HUWE1: variants seen among roughly 807,000 people sequenced by gnomAD.
The protein encoded by HUWE1 is E3 ubiquitin-protein ligase HUWE1.
A neutral mutation model predicts 299.4 loss-of-function variants in HUWE1; 18 were observed. That is an observed-to-expected ratio of 0.06 (90% CI 0.04 to 0.09). HUWE1 has a LOEUF of 0.09. Ranked by LOEUF, HUWE1 falls within the 10% of genes least tolerant of loss-of-function variation. The pLI, the probability that HUWE1 is intolerant of heterozygous loss-of-function variation, is 1.00. For synonymous variants in HUWE1, 1,317 were observed against 1,286.1 expected (o/e 1.02, Z -0.51); for missense variants, 1,832 against 3,462.3 (o/e 0.53, Z 11.82).
chrX:53,626,238 TG>T (rs2066496042), intron 17 of HUWE1, among the ~76,000 whole-genome samples: 2 of 109,168 alleles, frequency 1.8e-5, no homozygotes, highest in Non-Finnish European at 3.8e-5. Flanking sequence ...TGTGTGTGTG[TG>T]TGTGTGTGTG....
chrX:53,535,872 C>T (rs1411181070), intron 80 of HUWE1: 23 of 361,393 alleles, frequency 6.4e-5, no homozygotes, highest in Non-Finnish European at 9.0e-5. Flanking sequence ...TACATTTGTA[C>T]GATTTTTCTA....
chrX:53,566,956 TACTC>T (rs1415833152), intron 49 of HUWE1, among the ~76,000 whole-genome samples: 1 of 111,800 alleles, frequency 8.9e-6, no homozygotes, highest in Non-Finnish European at 1.9e-5. Flanking sequence ...CAACATGTGA[TACTC>T]ACTGAATCCC....
intron 6 of HUWE1, among the ~76,000 whole-genome samples, chrX:53,646,786 C>T (rs782672871): frequency 8.9e-6 from 1 of 112,136 alleles, no homozygotes; most frequent in East Asian, 2.8e-4. Flanking sequence ...GGGCACCTAA[C>T]TAATGATGAT....
Position 53,589,887 on chromosome X carries a change from G to A in HUWE1, c.4192-71C>T. On this transcript the variant is annotated intron_variant, in intron 35 of 83. Coordinates refer to ENST00000262854, the MANE Select transcript of HUWE1 (RefSeq NM_031407.7). ...GGAGGAAAGATAAGAGAGACTCTGA[G>A]AATGTTTTTGCTCTACCATATGATT... 1.3e-5 allele frequency: 14 copies of A among 1,061,430 alleles called. No individual in the cohort carries two copies. The South Asian group carries it at 2.8e-4, about 21-fold the overall frequency. 87.5% of individuals were successfully genotyped at this position (1,061,430 alleles called of 1,213,427 possible).
At position 53,565,061 on chromosome X, in the gene HUWE1, C is replaced by G; in HGVS notation, c.6880+6G>C. The G allele has an allele frequency of 8.3e-7, 1 of 1,209,741 alleles. No homozygotes were observed. The highest frequency in any genetic ancestry group is 1.1e-6 in the Non-Finnish European group (1 of 893,543). The stretch of plus-strand genomic sequence containing the variant: ...CCTCTCCAGTCCATTGGCTCTGATT[C>G]CCTACCTGGGTCCTGCTGGTTGCTA... On this transcript the variant is annotated splice_donor_region_variant and intron_variant, in intron 50 of 83. Coordinates refer to ENST00000262854, the MANE Select transcript of HUWE1 (RefSeq NM_031407.7).
At chrX:53,579,303 C>T (rs1299918879) in intron 43 of HUWE1, among the ~76,000 whole-genome samples, 8 of 92,557 alleles carry the variant, frequency 8.6e-5, no homozygotes, top group African/African-American at 1.6e-4. Flanking sequence ...CCTGGCCAGC[C>T]GCCCCGTCCG....
At chrX:53,628,391 A>T in intron 15 of HUWE1, 102 bp downstream of exon 15, 2 of 875,546 alleles carry the variant, frequency 2.3e-6, no homozygotes, top group Non-Finnish European at 3.2e-6. Flanking sequence ...AAGCTTTCTT[A>T]TATTATTTGC....
chrX:53,588,777 A>G (rs2063992912), intron 36 of HUWE1, among the ~76,000 whole-genome samples: 1 of 112,149 alleles, frequency 8.9e-6, no homozygotes, highest in East Asian at 2.8e-4. Flanking sequence ...AATCTAAGTT[A>G]AAGGAAATGA....
intron 30 of HUWE1, 106 bp from the exon 31 acceptor site, chrX:53,594,727 C>T (rs2064360558): frequency 1.3e-6 from 1 of 753,772 alleles, no homozygotes; most frequent in East Asian, 3.4e-5. Flanking sequence ...ACTGAAGTGA[C>T]ACCTCCCACC....
At chrX:53,591,593 A>G (rs1303224046) in intron 33 of HUWE1, among the ~76,000 whole-genome samples, 1 of 112,008 alleles carries the variant, frequency 8.9e-6, no homozygotes, top group Admixed American at 9.5e-5. Flanking sequence ...ATCAAACTGT[A>G]AGAAAATTAG....
Position 53,546,804 on chromosome X carries a change from C to A in HUWE1, c.10658G>T (p.Ser3553Ile). 2.5e-6 allele frequency: 3 copies of A among 1,208,649 alleles called. No individual in the cohort carries two copies. The highest frequency in any genetic ancestry group is 3.4e-6 in the Non-Finnish European group (3 of 893,942). ...ATCACTCACCTTCGCTGGAGATTTG[C>A]TGCCCTTAGTAGTGGGAGAAACTTT... ...TVSISPTTKG[S>I]KSPAKVSDGG... Residue 3553 changes from serine (S) to isoleucine (I), a missense_variant, in exon 69 of 84, where the codon AGC becomes ATC. Ser to Ile is a moderately radical substitution (Grantham distance 142). Coordinates refer to ENST00000262854, the MANE Select transcript of HUWE1 (RefSeq NM_031407.7).
chrX:53,639,935 T>A (rs1432785508), intron 7 of HUWE1, among the ~76,000 whole-genome samples: 1 of 112,728 alleles, frequency 8.9e-6, no homozygotes, highest in Non-Finnish European at 1.9e-5. Flanking sequence ...CAGGTTAATA[T>A]TTGTTGGCAA....
At chrX:53,610,303 GAGA>G (rs1374392619) in intron 23 of HUWE1, among the ~76,000 whole-genome samples, 2 of 111,795 alleles carry the variant, frequency 1.8e-5, no homozygotes, top group Non-Finnish European at 3.8e-5. Flanking sequence ...GGAAACTGGG[GAGA>G]AGAACAGAGA....
chrX:53,579,827 C>CT (rs1556965142), intron 43 of HUWE1: 1 of 99,417 alleles, frequency 1.0e-5, no homozygotes, highest in African/African-American at 3.7e-5. Flanking sequence ...CCGCAGGGTC[C>CT]TCTGCCTAGG....
chrX:53,643,294 C>A lies in HUWE1; in HGVS notation c.504+2017G>T, dbSNP rs146412660. 3.0e-3 allele frequency among the ~76,000 whole-genome samples: 337 copies of A among 111,805 alleles called. 1 individual carries two copies. Among genetic ancestry groups the A allele is most frequent in the African/African-American group, 0.01 (317 of 30,807 alleles). On this transcript the variant is annotated intron_variant, in intron 7 of 83. Transcript: ENST00000262854. Reference sequence around the variant, plus strand: ...AAATTTACAGTTTTAGCCAATATGACTTATTTTACAGACAGAATATTTGCT... The same window carrying A: ...AAATTTACAGTTTTAGCCAATATGAATTATTTTACAGACAGAATATTTGCT...
chrX:53,661,671 C>G lies in HUWE1; in HGVS notation c.-24-7540G>C, dbSNP rs377442167. Among the ~76,000 whole-genome samples, 8 of 112,424 alleles carry G rather than the reference C, an allele frequency of 7.1e-5. No homozygotes were observed. The South Asian group carries it at 1.1e-3, about 15-fold the overall frequency. ...CAGAACCAGAACTCAGGGCACCAAG[C>G]AATCTCTATATATAATAAACATTGC... On this transcript the variant is annotated intron_variant, in intron 3 of 83. Coordinates refer to ENST00000262854, the MANE Select transcript of HUWE1 (RefSeq NM_031407.7).
intron 2 of HUWE1, 125 bp from the exon 3 acceptor site, chrX:53,680,311 TA>T (rs1324931275): frequency 3.2e-5 from 9 of 277,552 alleles, no homozygotes; most frequent in Non-Finnish European, 5.0e-5. Context: ...CAATAGTCCT[TA>T]CATATCTATT....
chrX:53,619,590 G>GAAAA lies in HUWE1; in HGVS notation c.1673-2148_1673-2145dup, dbSNP rs35685121. Reference sequence around the variant, plus strand: ...GTTAAAAGGAATCAGAGAAATAGAAGAAAAAAAAAAAAAAAAAAAAAGGCA... The same window carrying GAAAA: ...GTTAAAAGGAATCAGAGAAATAGAAGAAAAAAAAAAAAAAAAAAAAAAAAAGGCA... On this transcript the variant is annotated intron_variant, in intron 19 of 83. Coordinates refer to ENST00000262854, the MANE Select transcript of HUWE1 (RefSeq NM_031407.7). Among the ~76,000 whole-genome samples, 7 of 41,147 alleles carry GAAAA rather than the reference G, an allele frequency of 1.7e-4. No individual in the cohort carries two copies. The East Asian group carries it at 2.6e-3, about 15-fold the overall frequency. The allele number at this position is 41,147 out of a possible 115,157, so 35.7% of individuals were successfully genotyped here. A position where few individuals can be genotyped will look rare whatever the true frequency, so the allele number is the denominator to read the frequency against.
At chrX:53,631,082 G>T in intron 11 of HUWE1, 48 bp from the exon 12 acceptor site, 1 of 783,943 alleles carries the variant, frequency 1.3e-6, no homozygotes, top group Non-Finnish European at 2.0e-6. Flanking sequence ...TGAAAAAGGT[G>T]AATATTCTTT....
Sources: allele counts gnomAD v4.1 joint callset (sites outside exome capture counted in the v4.1 genomes callset), GRCh38; gene constraint gnomAD v4.1.1; transcripts MANE v1.5; gene names NCBI Gene and HGNC (gene_info 2026-07-23, HGNC 2026-07-21).